The following RBFOX1 variants were observed in gnomAD, a reference collection of about 807,000 sequenced individuals.
The protein encoded by RBFOX1 is RNA binding protein fox-1 homolog 1.
In RBFOX1, 8 loss-of-function variants were observed where a neutral mutation model predicts 57.7. That is an observed-to-expected ratio of 0.14 (90% confidence interval 0.08 to 0.25). The LOEUF is 0.25. RBFOX1 is among the 10% of genes least tolerant of loss of function. The probability of loss-of-function intolerance (pLI) is 1.00; values close to 1 mark genes in which losing one functional copy is unlikely to be tolerated. For missense variants in RBFOX1, 611 were observed against 548.5 expected, an observed-to-expected ratio of 1.11 and a Z score of -1.14; for synonymous variants, 326 against 222.4, an observed-to-expected ratio of 1.47 and a Z score of -4.15.
intron 4 of RBFOX1, among the ~76,000 whole-genome samples, chr16:5,990,939 A>G (rs575422413): frequency 6.6e-6 from 1 of 152,110 alleles, no homozygotes; most frequent in South Asian, 2.1e-4. Context: ...ACACCACTGA[A>G]CTCCAGCCTG....
chr16:7,470,602 G>A (rs745743451), intron 4 of RBFOX1, among the ~76,000 whole-genome samples: 4 of 152,066 alleles, frequency 2.6e-5, no homozygotes, highest in Admixed American at 2.6e-4. Context: ...GCGGATGGAT[G>A]GATGGATGGT....
At chr16:6,169,792 T>A (rs2096944727) in intron 1 of RBFOX1, among the ~76,000 whole-genome samples, 1 of 151,958 alleles carries the variant, frequency 6.6e-6, no homozygotes, top group Non-Finnish European at 1.5e-5. Flanking sequence ...TTAGGTGGAG[T>A]CTCCCTCTAT....
chr16:6,129,148 A>G (rs1231063673), intron 1 of RBFOX1, among the ~76,000 whole-genome samples: 1 of 152,224 alleles, frequency 6.6e-6, no homozygotes, highest in Non-Finnish European at 1.5e-5. Context: ...AAACAGGATC[A>G]TGTGACCTAT....
chr16:7,455,147 A>G (rs893708091), intron 4 of RBFOX1, among the ~76,000 whole-genome samples: 1 of 152,218 alleles, frequency 6.6e-6, no homozygotes, highest in Admixed American at 6.5e-5. Context: ...AATGAATATT[A>G]TTAGAAGCAG....
chr16:6,895,516 G>C (rs151100643), intron 3 of RBFOX1, among the ~76,000 whole-genome samples: 1,798 of 126,518 alleles, frequency 0.014, 28 homozygotes, highest in Non-Finnish European at 0.021. Flanking sequence ...ACAAGCTGTC[G>C]ATTCCTCTCA....
chr16:6,102,697 G>A (rs746573981), intron 1 of RBFOX1, among the ~76,000 whole-genome samples: 1 of 152,146 alleles, frequency 6.6e-6, no homozygotes, highest in Non-Finnish European at 1.5e-5. Context: ...AACGGTTATT[G>A]AATCATTTTC....
intron 4 of RBFOX1, among the ~76,000 whole-genome samples, chr16:7,218,995 C>A (rs1264269323): frequency 6.6e-6 from 1 of 152,122 alleles, no homozygotes; most frequent in Non-Finnish European, 1.5e-5. Context: ...CTGTTACATG[C>A]TGGTGGTCAC....
At chr16:5,718,796 C>G (rs757090103) in intron 3 of RBFOX1, among the ~76,000 whole-genome samples, 2 of 152,096 alleles carry the variant, frequency 1.3e-5, no homozygotes, top group South Asian at 4.2e-4. Flanking sequence ...GTAATCCCAG[C>G]TACTCCAGAG....
chr16:6,682,509 A>G (rs2058804777), intron 3 of RBFOX1, among the ~76,000 whole-genome samples: 1 of 152,288 alleles, frequency 6.6e-6, no homozygotes, highest in East Asian at 1.9e-4. Flanking sequence ...GATGTAGAAA[A>G]GGGTTTCTCA....
intron 5 of RBFOX1, among the ~76,000 whole-genome samples, chr16:7,528,517 A>T (rs1401545300): frequency 1.3e-5 from 2 of 152,032 alleles, no homozygotes; most frequent in African/African-American, 4.8e-5. Context: ...TCACTCCATC[A>T]CCCAGGCTGG....
At chr16:7,709,699 G>C (rs959638826) in intron 15 of RBFOX1, 264 of 1,166,972 alleles carry the variant, frequency 2.3e-4, no homozygotes, top group Non-Finnish European at 2.8e-4. Context: ...GAATCAGCTG[G>C]GTTTGGGGGT....
intron 3 of RBFOX1, among the ~76,000 whole-genome samples, chr16:5,678,539 C>T (rs886852215): frequency 2.6e-5 from 4 of 152,154 alleles, no homozygotes; most frequent in Non-Finnish European, 5.9e-5. Flanking sequence ...AACCCGGTTC[C>T]TAAGCTCAGT....
intron 5 of RBFOX1, among the ~76,000 whole-genome samples, chr16:7,570,849 A>C (rs1430463373): frequency 3.3e-5 from 5 of 152,244 alleles, no homozygotes; most frequent in African/African-American, 1.2e-4. Flanking sequence ...ATGCCCATCA[A>C]TGATAGATTA....
At chr16:6,588,245 A>C (rs1224862110) in intron 2 of RBFOX1, among the ~76,000 whole-genome samples, 1 of 151,934 alleles carries the variant, frequency 6.6e-6, no homozygotes, top group Non-Finnish European at 1.5e-5. Context: ...AAAAAAAAAG[A>C]AAGGCAGTTT....
chr16:7,686,980 C>T (rs2076202541), intron 14 of RBFOX1, among the ~76,000 whole-genome samples: 1 of 152,026 alleles, frequency 6.6e-6, no homozygotes, highest in South Asian at 2.1e-4. Flanking sequence ...ACCTTATCTT[C>T]TTTCTGTTTA....
intron 3 of RBFOX1, among the ~76,000 whole-genome samples, chr16:6,963,479 G>C (rs1214555387): frequency 6.6e-6 from 1 of 152,154 alleles, no homozygotes; most frequent in Non-Finnish European, 1.5e-5. Flanking sequence ...CCACTGGTCA[G>C]TAATGAGATA....
chr16:6,174,432 TA>T (rs2096987472), intron 1 of RBFOX1, among the ~76,000 whole-genome samples: 1 of 151,992 alleles, frequency 6.6e-6, no homozygotes. Context: ...CCGTCTTTAC[TA>T]AAAATACAAA....
At chr16:6,654,199 C>G (rs528377581) in intron 2 of RBFOX1, among the ~76,000 whole-genome samples, 2 of 152,136 alleles carry the variant, frequency 1.3e-5, no homozygotes, top group East Asian at 3.9e-4. Flanking sequence ...AAAAATAGAT[C>G]CTGATAATTT....
chr16:5,596,929 A>G (rs1038583930), intron 2 of RBFOX1, among the ~76,000 whole-genome samples: 1 of 152,194 alleles, frequency 6.6e-6, no homozygotes, highest in Non-Finnish European at 1.5e-5. Context: ...CATGAGGACC[A>G]TTCTCTGTGT....
Sources: allele counts gnomAD v4.1 joint callset (sites outside exome capture counted in the v4.1 genomes callset), GRCh38; gene constraint gnomAD v4.1.1; transcripts MANE v1.5; gene names NCBI Gene and HGNC (gene_info 2026-07-23, HGNC 2026-07-21).